Variants in PTPRD observed in about 807,000 individuals in gnomAD.
PTPRD encodes protein tyrosine phosphatase receptor type D.
Under a neutral mutation model 214.5 loss-of-function variants are expected in PTPRD, and 34 were observed. That is an observed-to-expected ratio of 0.16 (90% confidence interval 0.12 to 0.21). The LOEUF is 0.21. Ranked by LOEUF, PTPRD falls within the 10% of genes least tolerant of loss-of-function variation. The pLI is 1.00. For missense variants in PTPRD, 2,545 were observed against 2,398.7 expected, an observed-to-expected ratio of 1.06 and a Z score of -1.27; for synonymous variants, 1,128 against 845.7, an observed-to-expected ratio of 1.33 and a Z score of -5.79.
At chr9:8,581,282 G>A (rs964216117) in intron 14 of PTPRD, among the ~76,000 whole-genome samples, 6 of 152,010 alleles carry the variant, frequency 3.9e-5, no homozygotes, top group African/African-American at 7.2e-5. Context: ...AAAGAAAGCA[G>A]AAATTAGCAA....
chr9:9,596,512 T>C (rs1357495632), intron 7 of PTPRD, among the ~76,000 whole-genome samples: 1 of 152,028 alleles, frequency 6.6e-6, no homozygotes, highest in African/African-American at 2.4e-5. Context: ...ATATTTTTAA[T>C]CCATCACTAT....
chr9:10,361,051 G>A (rs1024306816), intron 2 of PTPRD, among the ~76,000 whole-genome samples: 19 of 152,144 alleles, frequency 1.2e-4, no homozygotes, highest in Non-Finnish European at 2.6e-4. Flanking sequence ...GTAGTGAGCC[G>A]AGATGGAGCC....
chr9:8,486,422 G>C, intron 27 of PTPRD, 73 bp from the exon 28 acceptor site: 1 of 1,276,498 alleles, frequency 7.8e-7, no homozygotes, highest in Non-Finnish European at 1.1e-6. Context: ...CCAAATGAGG[G>C]AGTTCCACTC....
At chr9:9,250,741 A>G (rs2099975137) in intron 9 of PTPRD, among the ~76,000 whole-genome samples, 1 of 152,080 alleles carries the variant, frequency 6.6e-6, no homozygotes, top group Non-Finnish European at 1.5e-5. Flanking sequence ...AACAGCAAAA[A>G]CCAAACCAAA....
chr9:8,425,124 T>C (rs545803840), intron 35 of PTPRD, among the ~76,000 whole-genome samples: 7 of 152,210 alleles, frequency 4.6e-5, no homozygotes, highest in Non-Finnish European at 8.8e-5. Flanking sequence ...CACTACCATT[T>C]TATAATTTTA....
At chr9:10,230,552 T>A (rs2099605960) in intron 3 of PTPRD, among the ~76,000 whole-genome samples, 1 of 151,926 alleles carries the variant, frequency 6.6e-6, no homozygotes, top group South Asian at 2.1e-4. Flanking sequence ...TATTTGTGGT[T>A]CCTTGGACCC....
At chr9:9,332,597 A>C (rs867737278) in intron 9 of PTPRD, among the ~76,000 whole-genome samples, 1 of 151,086 alleles carries the variant, frequency 6.6e-6, no homozygotes. Context: ...AAAAACCTCT[A>C]TACTGAGCTT....
chr9:10,208,923 A>C lies in PTPRD; in HGVS notation c.-545+132040T>G, dbSNP rs575782581. Among the ~76,000 whole-genome samples the C allele has an allele frequency of 9.2e-5, 14 of 152,348 alleles. No homozygotes were observed. In the South Asian group the frequency reaches 2.9e-3, roughly 32 times the overall value. ...CTACCGGACCATTTATTCATTACGT[A>C]ACAGACACCTTAAGGAGTAGAAAAG... On this transcript the variant is annotated intron_variant, in intron 3 of 45. Coordinates refer to ENST00000381196, the MANE Select transcript of PTPRD (RefSeq NM_002839.4).
intron 3 of PTPRD, among the ~76,000 whole-genome samples, chr9:10,098,499 T>G (rs2098517505): frequency 6.6e-6 from 1 of 151,316 alleles, no homozygotes; most frequent in South Asian, 2.1e-4. Flanking sequence ...ATAATAATAA[T>G]AAAATAAAAT....
chr9:9,334,375 C>T (rs1421437622), intron 9 of PTPRD, among the ~76,000 whole-genome samples: 4 of 151,886 alleles, frequency 2.6e-5, no homozygotes, highest in South Asian at 2.1e-4. Context: ...AAGCAAGCAT[C>T]AGGTCAGTAT....
At chr9:8,367,871 T>A (rs1474030355) in intron 39 of PTPRD, among the ~76,000 whole-genome samples, 2 of 152,222 alleles carry the variant, frequency 1.3e-5, no homozygotes, top group East Asian at 1.9e-4. Flanking sequence ...GGCTCTTATT[T>A]AATCTTTAAA....
chr9:8,471,136 G>T (rs756207332), intron 30 of PTPRD, 51 bp from the exon 31 acceptor site: 7 of 1,487,184 alleles, frequency 4.7e-6, no homozygotes, highest in Non-Finnish European at 6.6e-6. Flanking sequence ...GGAGGAAAAC[G>T]TGGATATACC....
At chr9:9,781,010 G>A (rs2098838683) in intron 5 of PTPRD, among the ~76,000 whole-genome samples, 2 of 152,168 alleles carry the variant, frequency 1.3e-5, no homozygotes, top group Admixed American at 1.3e-4. Flanking sequence ...GATCAGTGAT[G>A]GCCAGGGGTT....
Position 9,800,379 on chromosome 9 carries a change from T to A in PTPRD, c.-367-33528A>T, listed in dbSNP as rs575519701. ...GATATTCCCCAGTTTTGCAAAAATC[T>A]GTATTTAATATTTCATAAATGTATA... On this transcript the variant is annotated intron_variant, in intron 5 of 45. Coordinates refer to ENST00000381196, the MANE Select transcript of PTPRD (RefSeq NM_002839.4). Among the ~76,000 whole-genome samples the A allele has an allele frequency of 2.6e-5, 4 of 152,278 alleles. No individual in the cohort carries two copies. The South Asian group carries it at 8.3e-4, about 32-fold the overall frequency.
At chr9:10,600,732 T>C (rs1186581171) in intron 2 of PTPRD, among the ~76,000 whole-genome samples, 5 of 151,818 alleles carry the variant, frequency 3.3e-5, no homozygotes, top group Non-Finnish European at 5.9e-5. Context: ...TGGTTCATCA[T>C]GAGCAAATCC....
intron 2 of PTPRD, among the ~76,000 whole-genome samples, chr9:10,351,609 C>A (rs1336308869): frequency 2.0e-5 from 3 of 151,070 alleles, no homozygotes; most frequent in Non-Finnish European, 1.5e-5. Context: ...ATAATTTATC[C>A]AAGAAATAAT....
At chr9:8,829,192 T>C (rs1240065268) in intron 11 of PTPRD, among the ~76,000 whole-genome samples, 1 of 152,176 alleles carries the variant, frequency 6.6e-6, no homozygotes, top group Non-Finnish European at 1.5e-5. Context: ...ATGTTATGTC[T>C]ACATAACCCA....
chr9:9,726,570 T>C (rs2098096039), intron 7 of PTPRD, among the ~76,000 whole-genome samples: 1 of 152,188 alleles, frequency 6.6e-6, no homozygotes, highest in African/African-American at 2.4e-5. Context: ...CAGTTAAACT[T>C]ATTGTGTAAT....
intron 7 of PTPRD, among the ~76,000 whole-genome samples, chr9:9,593,974 T>A (rs2093026632): frequency 6.6e-6 from 1 of 152,070 alleles, no homozygotes; most frequent in East Asian, 1.9e-4. Flanking sequence ...GAGCCCTGGC[T>A]ATCTATTGGT....
Sources: gnomAD v4.1 joint callset for allele counts (sites outside exome capture counted in the v4.1 genomes callset) on GRCh38, gnomAD v4.1.1 for gene constraint, MANE v1.5 for transcripts, NCBI Gene and HGNC (gene_info 2026-07-23, HGNC 2026-07-21) for gene names.